The following FHIT variants were observed in gnomAD, a reference collection of about 807,000 sequenced individuals.
FHIT encodes fragile histidine triad diadenosine triphosphatase.
A neutral mutation model predicts 17.9 loss-of-function variants in FHIT; 19 were observed. That is an observed-to-expected ratio of 1.06 (90% CI 0.74 to 1.56). The LOEUF (loss-of-function observed/expected upper bound fraction) is 1.56. Among genes scored for constraint, FHIT ranks in the 40% most tolerant of loss-of-function variants. The pLI is 0.00. For missense variants in FHIT, 248 were observed against 189.2 expected (o/e 1.31, Z -1.82); for synonymous variants, 81 against 69.7 (o/e 1.16, Z -0.81).
chr3:60,572,320 A>G (rs1020707630), intron 4 of FHIT, among the ~76,000 whole-genome samples: 1 of 150,978 alleles, frequency 6.6e-6, no homozygotes. Context: ...ATGTTCATAT[A>G]TATAATTCTT....
chr3:60,550,381 C>T (rs1392164874), intron 4 of FHIT, among the ~76,000 whole-genome samples: 1 of 152,084 alleles, frequency 6.6e-6, no homozygotes, highest in Non-Finnish European at 1.5e-5. Flanking sequence ...CTTGAAGTGT[C>T]CCAGAATTTA....
chr3:59,823,675 A>G (rs1355191302), intron 8 of FHIT, among the ~76,000 whole-genome samples: 1 of 152,180 alleles, frequency 6.6e-6, no homozygotes, highest in African/African-American at 2.4e-5. Context: ...CCTCAGCAAA[A>G]TCGGCATATA....
rs746649804 is a variant in FHIT at position 61,036,901 on chromosome 3, G to GTTTTTTTTTTTTTTTTTTTTT, written c.-111+5145_-111+5146insAAAAAAAAAAAAAAAAAAAAA. ...TTCACCTCAAAGATCAGTCTGCTTT[G>GTTTTTTTTTTTTTTTTTTTTT]TTTTTTTTTTTTGTTTGTTTGTTTT... On this transcript the variant is annotated intron_variant, in intron 3 of 9. Transcript: ENST00000492590. Among the ~76,000 whole-genome samples the GTTTTTTTTTTTTTTTTTTTTT allele has an allele frequency of 4.4e-4, 31 of 70,310 alleles. 1 individual carries two copies. Among genetic ancestry groups the GTTTTTTTTTTTTTTTTTTTTT allele is most frequent in the Middle Eastern group, 7.2e-3 (1 of 138 alleles). 46.1% of individuals were successfully genotyped at this position (70,310 alleles called of 152,430 possible). A position where few individuals can be genotyped will look rare whatever the true frequency, so the allele number is the denominator to read the frequency against.
intron 7 of FHIT, among the ~76,000 whole-genome samples, chr3:60,008,794 C>A (rs1326187441): frequency 6.6e-6 from 1 of 152,194 alleles, no homozygotes; most frequent in Non-Finnish European, 1.5e-5. Flanking sequence ...AACTGGACAG[C>A]TGAATATTAA....
intron 4 of FHIT, among the ~76,000 whole-genome samples, chr3:60,567,597 T>C (rs1374467750): frequency 6.6e-6 from 1 of 152,108 alleles, no homozygotes. Context: ...AAAGCCAAAA[T>C]TGACAAATGG....
At chr3:60,783,378 G>A (rs1395830709) in intron 4 of FHIT, among the ~76,000 whole-genome samples, 1 of 152,180 alleles carries the variant, frequency 6.6e-6, no homozygotes, top group Admixed American at 6.5e-5. Context: ...TGTAGTCAGA[G>A]GTCAGAGGAG....
intron 3 of FHIT, among the ~76,000 whole-genome samples, chr3:61,015,810 T>G (rs939711263): frequency 2.6e-5 from 4 of 152,276 alleles, no homozygotes; most frequent in Non-Finnish European, 4.4e-5. Flanking sequence ...ACTTTTTTAC[T>G]TGAGGGTCAA....
intron 5 of FHIT, among the ~76,000 whole-genome samples, chr3:60,320,863 A>G (rs1353199781): frequency 6.6e-6 from 1 of 152,200 alleles, no homozygotes; most frequent in Non-Finnish European, 1.5e-5. Context: ...TTTTTATATC[A>G]GCAAATATTG....
At chr3:60,407,717 A>G (rs1701923100) in intron 5 of FHIT, among the ~76,000 whole-genome samples, 2 of 152,036 alleles carry the variant, frequency 1.3e-5, no homozygotes, top group South Asian at 4.2e-4. Flanking sequence ...GGGTTTCACC[A>G]TGTTGACCAG....
chr3:60,799,006 C>A (rs1701092384), intron 4 of FHIT, among the ~76,000 whole-genome samples: 1 of 152,080 alleles, frequency 6.6e-6, no homozygotes, highest in African/African-American at 2.4e-5. Context: ...CCACTGTACC[C>A]AGCCTGCAAT....
At chr3:61,245,993 AG>A (rs1328272742) in intron 1 of FHIT, among the ~76,000 whole-genome samples, 4 of 152,194 alleles carry the variant, frequency 2.6e-5, no homozygotes, top group Non-Finnish European at 4.4e-5. Flanking sequence ...CTGATAAAAC[AG>A]GTTGCAGTAG....
At chr3:59,915,428 G>A (rs1705087510) in intron 8 of FHIT, among the ~76,000 whole-genome samples, 1 of 152,164 alleles carries the variant, frequency 6.6e-6, no homozygotes, top group Admixed American at 6.5e-5. Flanking sequence ...AATCTAGGGT[G>A]GCTTACCTCA....
intron 5 of FHIT, among the ~76,000 whole-genome samples, chr3:60,188,555 C>A (rs1576278198): frequency 6.6e-6 from 1 of 152,230 alleles, no homozygotes; most frequent in South Asian, 2.1e-4. Context: ...GCTTTGGACA[C>A]AGATTTTGTG....
intron 4 of FHIT, among the ~76,000 whole-genome samples, chr3:60,817,060 A>G (rs2736741): frequency 0.85 from 128,897 of 151,844 alleles, 55,558 homozygotes; most frequent in East Asian, 0.95. Flanking sequence ...GAATTAAAAC[A>G]TATATTCTTG....
chr3:59,919,971 C>T (rs1414164387), intron 8 of FHIT, among the ~76,000 whole-genome samples: 1 of 152,068 alleles, frequency 6.6e-6, no homozygotes, highest in African/African-American at 2.4e-5. Flanking sequence ...CATTTCCATA[C>T]AAAGAGGAAG....
chr3:60,888,658 T>C (rs1013410662), intron 3 of FHIT, among the ~76,000 whole-genome samples: 1 of 152,192 alleles, frequency 6.6e-6, no homozygotes, highest in Non-Finnish European at 1.5e-5. Context: ...ACCAACTAAT[T>C]GGTATATATT....
chr3:60,191,058 C>G (rs1490408971), intron 5 of FHIT, among the ~76,000 whole-genome samples: 3 of 151,982 alleles, frequency 2.0e-5, no homozygotes, highest in Non-Finnish European at 2.9e-5. Context: ...TAAAGTCTTC[C>G]TGATACTTCC....
chr3:61,110,034 C>T (rs1351503400), intron 2 of FHIT, among the ~76,000 whole-genome samples: 1 of 152,176 alleles, frequency 6.6e-6, no homozygotes, highest in Non-Finnish European at 1.5e-5. Flanking sequence ...TCAGCTTCTG[C>T]CTGTGATCCT....
At chr3:60,127,392 T>A (rs1272490797) in intron 5 of FHIT, among the ~76,000 whole-genome samples, 1 of 152,274 alleles carries the variant, frequency 6.6e-6, no homozygotes, top group East Asian at 1.9e-4. Context: ...GACAGGTCTA[T>A]AAATGGCTTC....
Sources: gnomAD v4.1 joint callset for allele counts (sites outside exome capture counted in the v4.1 genomes callset) on GRCh38, gnomAD v4.1.1 for gene constraint, MANE v1.5 for transcripts, NCBI Gene and HGNC (gene_info 2026-07-23, HGNC 2026-07-21) for gene names.